Variants in SIGLEC1 observed in about 807,000 individuals in gnomAD.
SIGLEC1 encodes the protein sialoadhesin.
A neutral mutation model predicts 148.0 loss-of-function variants in SIGLEC1; 132 were observed. The observed-to-expected ratio is 0.89, with a 90% CI of 0.77 to 1.03. The LOEUF (loss-of-function observed/expected upper bound fraction) is 1.03. SIGLEC1 is among the 50% of genes least tolerant of loss of function. The probability of loss-of-function intolerance (pLI) is 0.00; values close to 1 mark genes in which losing one functional copy is unlikely to be tolerated. For missense variants in SIGLEC1, 2,253 were observed against 2,271.4 expected (o/e 0.99, Z 0.16); for synonymous variants, 945 against 969.0 (o/e 0.98, Z 0.46).
At position 3,705,872 on chromosome 20, in the gene SIGLEC1, G is replaced by T; in HGVS notation, c.578C>A (p.Pro193His). The part of the protein sequence containing the change: ...SVTFNSQKFE[P>H]TGVGHLETLH... ...GGTCTCCAGGTGGCCGACGCCGGTGGGCTCAAACTTCTGGCTGTTGAAGGT... is the reference window on the plus strand; with the variant it reads ...GGTCTCCAGGTGGCCGACGCCGGTGTGCTCAAACTTCTGGCTGTTGAAGGT... Residue 193 changes from proline to histidine, a missense_variant, in exon 4 of 22, where the codon CCC (proline) becomes CAC (histidine). Transcript: ENST00000344754. 6.2e-7 allele frequency: 1 copy of T among 1,614,172 alleles called. No individual in the cohort carries two copies.
intron 7 of SIGLEC1, among the ~76,000 whole-genome samples, chr20:3,700,138 G>A (rs2087838923): frequency 1.6e-5 from 1 of 64,250 alleles, no homozygotes; most frequent in Admixed American, 2.6e-4. Flanking sequence ...TTTTTTTTGA[G>A]ACGGAGTCTT....
chr20:3,690,829 C>CTTTTTTTTTTT (rs1226435413), intron 18 of SIGLEC1, among the ~76,000 whole-genome samples: 1 of 117,038 alleles, frequency 8.5e-6, no homozygotes, highest in African/African-American at 3.8e-5. Context: ...CTTTTCTTTT[C>CTTTTTTTTTTT]TTTTTTTTTT....
chr20:3,709,724 T>A (rs1460809928), intron 1 of SIGLEC1, among the ~76,000 whole-genome samples: 1 of 152,222 alleles, frequency 6.6e-6, no homozygotes, highest in Non-Finnish European at 1.5e-5. Flanking sequence ...TACAATGGAA[T>A]ATCAATCGGC....
intron 20 of SIGLEC1, 97 bp from the exon 21 acceptor site, chr20:3,689,324 A>G: frequency 9.2e-7 from 1 of 1,086,326 alleles, no homozygotes; most frequent in Non-Finnish European, 1.4e-6. Flanking sequence ...AGACCACAAG[A>G]GCGTGGGAAC....
rs76810937 is a variant in SIGLEC1 at position 3,691,226 on chromosome 20, C to A, written c.4591+114G>T. On this transcript the variant is annotated intron_variant, in intron 18 of 21. Coordinates refer to ENST00000344754, the MANE Select transcript of SIGLEC1 (RefSeq NM_023068.4). ...ACAGCGGGAGAGCCAGGATTCCAAC[C>A]CAGGACTCAATATCCGTGAAGCCTT... 442 of 1,366,976 alleles carry A rather than the reference C, an allele frequency of 3.2e-4. 5 individuals carry two copies. The East Asian group carries it at 7.9e-3, about 24-fold the overall frequency. The allele number at this position is 1,366,976 out of a possible 1,614,324, so 84.7% of individuals were successfully genotyped here.
At position 3,707,218 on chromosome 20, in the gene SIGLEC1, C is replaced by A; in HGVS notation, c.-90G>T. 2 of 1,180,636 alleles carry A rather than the reference C, an allele frequency of 1.7e-6. No homozygotes were observed. The highest frequency in any genetic ancestry group is 2.5e-6 in the Non-Finnish European group (2 of 800,472). 73.1% of individuals were successfully genotyped at this position (1,180,636 alleles called of 1,614,324 possible). ...AGGGGCCTCCAGGGACACCTCTGGGCACTTTAGCCCCAGCACCTGCTAGAA... is the reference window on the plus strand; with the variant it reads ...AGGGGCCTCCAGGGACACCTCTGGGAACTTTAGCCCCAGCACCTGCTAGAA... On this transcript the variant is annotated 5_prime_UTR_variant, in exon 2 of 22. Transcript: ENST00000344754.
At position 3,691,309 on chromosome 20, in the gene SIGLEC1, G is replaced by T. The variant is rs767456121; in HGVS notation, c.4591+31C>A. ...GAGGTGGGCGTGTGAGATGTGGGGA[G>T]ACTAAGGCGGAGGAGGGGGTTCACA... On this transcript the variant is annotated intron_variant, in intron 18 of 21. Coordinates refer to ENST00000344754, the MANE Select transcript of SIGLEC1 (RefSeq NM_023068.4). 1.9e-6 allele frequency: 3 copies of T among 1,610,756 alleles called. No individual in the cohort carries two copies. In the African/African-American group the frequency reaches 4.0e-5, roughly 22 times the overall value.
rs759755776 is a variant in SIGLEC1 at position 3,692,039 on chromosome 20, C to T, written c.4194G>A (p.Gly1398=). Reference sequence around the variant, plus strand: ...TTCGGGCCACCTGGACATGGCCTGTCCCTGATGCCAAGCTGTGGACCCCGC... The same window carrying T: ...TTCGGGCCACCTGGACATGGCCTGTTCCTGATGCCAAGCTGTGGACCCCGC... ...TSSGVHSLAS[G]TGHVQVARNA... The change falls in exon 17 of 22, where the codon GGG becomes GGA. Residue 1398 remains glycine (G), a synonymous_variant. Transcript: ENST00000344754. 2 of 1,613,018 alleles carry T rather than the reference C, an allele frequency of 1.2e-6. No individual in the cohort carries two copies. Among genetic ancestry groups the T allele is most frequent in the African/African-American group, 2.7e-5 (2 of 74,942 alleles).
Position 3,706,011 on chromosome 20 carries a change from G to C in SIGLEC1, c.439C>G (p.Pro147Ala). The C allele has an allele frequency of 6.2e-7, 1 of 1,613,546 alleles. No homozygotes were observed. Among genetic ancestry groups the C allele is most frequent in the Non-Finnish European group, 8.5e-7 (1 of 1,179,900 alleles). The change falls in exon 4 of 22, where the codon CCG becomes GCG. Residue 147 changes from proline to alanine, a missense_variant. Transcript: ENST00000344754. ...TCTGTGCCCTCGAGAAGCTCCACCG[G>C]GGAGGCAATGGTGGGCACCCTGGGC... The part of the protein sequence containing the change: ...EEPRVPTIAS[P>A]VELLEGTEVD...
chr20:3,693,316 C>T, intron 14 of SIGLEC1, 131 bp downstream of exon 14: 1 of 1,220,946 alleles, frequency 8.2e-7, no homozygotes, highest in South Asian at 1.6e-5. Context: ...CTTAATGCTC[C>T]TTGCCCAGTG....
At position 3,696,771 on chromosome 20, in the gene SIGLEC1, T is replaced by G. The variant is rs571127595; in HGVS notation, c.2498A>C (p.Glu833Ala). The change falls in exon 11 of 22, where the codon GAG becomes GCG. Residue 833 changes from glutamate (E) to alanine (A), a missense_variant. Physicochemically the swap from Glu to Ala is moderately radical, Grantham distance 107. Coordinates refer to ENST00000344754, the MANE Select transcript of SIGLEC1 (RefSeq NM_023068.4). ...PLALLALFHG[E>A]HLLATSLGPQ... is the part of the protein sequence containing the mutation. ...ACCCAGGCTGGTGGCCAGGAGGTGC[T>G]CCCCATGGAACAAGGCCAGCAAGGC... is the stretch of plus-strand genomic sequence containing the variant. The G allele has an allele frequency of 1.9e-6, 3 of 1,612,900 alleles. No homozygotes were observed. The East Asian group carries it at 6.7e-5, about 36-fold the overall frequency.
In SIGLEC1 at chr20:3,703,277, G is replaced by GC. The variant is rs766503359; in HGVS notation, c.1147dup (p.Ala383GlyfsTer2). 8 of 1,614,094 alleles carry GC rather than the reference G, an allele frequency of 5.0e-6. No homozygotes were observed. In the African/African-American group the frequency reaches 1.1e-4, roughly 22 times the overall value. ...CTCACAGAAGTAGAAGCCAGTATCA[G>GC]CCCTAGTGGCCAAGTGCAGCCGGAG... On this transcript the variant is annotated frameshift_variant, in exon 6 of 22. Coordinates refer to ENST00000344754, the MANE Select transcript of SIGLEC1 (RefSeq NM_023068.4). LOFTEE classifies it high-confidence loss of function.
intron 6 of SIGLEC1, among the ~76,000 whole-genome samples, chr20:3,702,024 C>A (rs895512156): frequency 2.0e-5 from 3 of 152,156 alleles, no homozygotes; most frequent in African/African-American, 7.2e-5. Context: ...CCTTCCCACC[C>A]AGAGGGCATG....
chr20:3,691,292 C>T lies in SIGLEC1; in HGVS notation c.4591+48G>A, dbSNP rs150528042. 8.3e-4 allele frequency: 1,325 copies of T among 1,600,858 alleles called. 1 individual carries two copies. Among genetic ancestry groups the T allele is most frequent in the Middle Eastern group, 3.8e-3 (23 of 6,036 alleles). On this transcript the variant is annotated intron_variant, in intron 18 of 21. Coordinates refer to ENST00000344754, the MANE Select transcript of SIGLEC1 (RefSeq NM_023068.4). ...GAAGAGGAGGAAGAACTGAGGTGGGCGTGTGAGATGTGGGGAGACTAAGGC... is the reference window on the plus strand; with the variant it reads ...GAAGAGGAGGAAGAACTGAGGTGGGTGTGTGAGATGTGGGGAGACTAAGGC...
chr20:3,693,597 T>C lies in SIGLEC1; in HGVS notation c.3358A>G (p.Thr1120Ala), dbSNP rs767422543. Residue 1120 changes from threonine (T) to alanine (A), a missense_variant, in exon 14 of 22, where the codon ACA (threonine) becomes GCA (alanine). Transcript: ENST00000344754. Reference sequence around the variant, plus strand: ...CGCTGCTGCCCATCCTGGTACCATGTGTAGGTGAGCTGGGCCGGGTGAGTG... The same window carrying C: ...CGCTGCTGCCCATCCTGGTACCATGCGTAGGTGAGCTGGGCCGGGTGAGTG... ...WTTHPAQLTY[T>A]WYQDGQQRLD... is the part of the protein sequence containing the mutation. The C allele has an allele frequency of 1.2e-6, 2 of 1,613,010 alleles. No homozygotes were observed. The highest frequency in any genetic ancestry group is 1.7e-6 in the Non-Finnish European group (2 of 1,179,766).
At chr20:3,708,602 C>T (rs369210885) in intron 1 of SIGLEC1, among the ~76,000 whole-genome samples, 5 of 151,204 alleles carry the variant, frequency 3.3e-5, no homozygotes, top group East Asian at 2.0e-4. Context: ...TCTGTCTCTA[C>T]GAAAAATTAA....
At chr20:3,690,309 A>T in intron 18 of SIGLEC1, 45 bp from the exon 19 acceptor site, 1 of 1,467,848 alleles carries the variant, frequency 6.8e-7, no homozygotes. Context: ...AATGACCACA[A>T]ATTTCTCCCT....
chr20:3,705,127 A>G (rs1212980013), intron 4 of SIGLEC1, among the ~76,000 whole-genome samples: 3 of 152,180 alleles, frequency 2.0e-5, no homozygotes, highest in South Asian at 2.1e-4. Flanking sequence ...CTCCTTAGTA[A>G]CTGGGATTAC....
intron 1 of SIGLEC1, among the ~76,000 whole-genome samples, chr20:3,708,251 G>A (rs2087909752): frequency 6.6e-6 from 1 of 152,150 alleles, no homozygotes; most frequent in Admixed American, 6.5e-5. Context: ...ATCCAAAAAG[G>A]CAGGCCCTCA....
Sources: allele counts gnomAD v4.1 joint callset (sites outside exome capture counted in the v4.1 genomes callset), GRCh38; gene constraint gnomAD v4.1.1; transcripts MANE v1.5; gene names NCBI Gene and HGNC (gene_info 2026-07-23, HGNC 2026-07-21).